PLXNA4: variants seen among roughly 807,000 people sequenced by gnomAD.
The protein encoded by PLXNA4 is plexin A4, also known as plexin-A4.
A neutral mutation model predicts 191.8 loss-of-function variants in PLXNA4; 44 were observed. The observed-to-expected ratio is 0.23, with a 90% CI of 0.18 to 0.29. The LOEUF (loss-of-function observed/expected upper bound fraction) is 0.29, where lower values mean the gene tolerates loss of function less well. PLXNA4 is among the 10% of genes least tolerant of loss of function. The probability of loss-of-function intolerance (pLI) is 1.00; values close to 1 mark genes in which losing one functional copy is unlikely to be tolerated. For missense variants in PLXNA4, 1,800 were observed against 2,488.8 expected (o/e 0.72, Z 5.89); for synonymous variants, 1,082 against 1,009.5 (o/e 1.07, Z -1.36).
chr7:132,272,503 A>G (rs1412998733), intron 4 of PLXNA4, among the ~76,000 whole-genome samples: 1 of 152,200 alleles, frequency 6.6e-6, no homozygotes, highest in East Asian at 1.9e-4. Flanking sequence ...TTGTCACCAG[A>G]ATGATCTGTT....
At chr7:132,610,994 C>G (rs1428952521) in intron 2 of PLXNA4, among the ~76,000 whole-genome samples, 1 of 152,202 alleles carries the variant, frequency 6.6e-6, no homozygotes, top group African/African-American at 2.4e-5. Context: ...TATCTCTTCT[C>G]CTCCAGTCAC....
intron 3 of PLXNA4, among the ~76,000 whole-genome samples, chr7:132,382,659 G>A (rs572099961): frequency 6.6e-6 from 1 of 152,298 alleles, no homozygotes; most frequent in Admixed American, 6.5e-5. Context: ...GGCATGGTCT[G>A]CAATAATTGT....
At position 132,202,812 on chromosome 7, in the gene PLXNA4, A is replaced by C; in HGVS notation, c.2420T>G (p.Met807Arg). ...NKVHLYKCGA[M>R]RESCGLCLKA... ...GAGGCACAGCCCGCAGCTCTCACGC[A>C]TGGCTCCACACTTGTAGAGGTGAAC... Residue 807 changes from methionine to arginine, a missense_variant, in exon 12 of 32, where the codon ATG (methionine) becomes AGG (arginine). Coordinates refer to ENST00000321063, the MANE Select transcript of PLXNA4 (RefSeq NM_020911.2). 1 of 1,599,944 alleles carries C rather than the reference A, an allele frequency of 6.3e-7. No homozygotes were observed. Among genetic ancestry groups the C allele is most frequent in the Non-Finnish European group, 8.5e-7 (1 of 1,173,180 alleles).
intron 4 of PLXNA4, among the ~76,000 whole-genome samples, chr7:132,272,420 G>A (rs534524807): frequency 6.6e-6 from 1 of 152,278 alleles, no homozygotes; most frequent in Admixed American, 6.5e-5. Context: ...ATAAGCCCCT[G>A]GCAGTGGATC....
intron 1 of PLXNA4, among the ~76,000 whole-genome samples, chr7:132,647,836 CAT>C (rs1162505033): frequency 6.6e-6 from 1 of 150,440 alleles, no homozygotes; most frequent in Non-Finnish European, 1.5e-5. Flanking sequence ...AATATACACT[CAT>C]AAACACACAC....
chr7:132,207,015 AG>A (rs1410705115), intron 10 of PLXNA4, among the ~76,000 whole-genome samples: 1 of 152,156 alleles, frequency 6.6e-6, no homozygotes, highest in Non-Finnish European at 1.5e-5. Flanking sequence ...CTACTTCTAA[AG>A]CAAAAATGAG....
At chr7:132,499,242 G>A (rs545015718) in intron 2 of PLXNA4, among the ~76,000 whole-genome samples, 78 of 152,324 alleles carry the variant, frequency 5.1e-4, no homozygotes, top group Middle Eastern at 3.4e-3. Context: ...CAAGAGCCTC[G>A]TGTTCCTCCC....
At chr7:132,254,373 A>G (rs1799359360) in intron 4 of PLXNA4, among the ~76,000 whole-genome samples, 1 of 152,240 alleles carries the variant, frequency 6.6e-6, no homozygotes, top group Admixed American at 6.5e-5. Context: ...ATTAACATAA[A>G]CAATTGTGAG....
intron 4 of PLXNA4, among the ~76,000 whole-genome samples, chr7:132,262,429 C>T (rs752333920): frequency 6.6e-6 from 1 of 152,082 alleles, no homozygotes; most frequent in Non-Finnish European, 1.5e-5. Context: ...TTTCAGTGGA[C>T]CCCTTGACAG....
chr7:132,292,636 T>C (rs1800934840), intron 4 of PLXNA4, among the ~76,000 whole-genome samples: 1 of 152,186 alleles, frequency 6.6e-6, no homozygotes, highest in Non-Finnish European at 1.5e-5. Context: ...TATAAGAATA[T>C]ACCTGGCCCT....
rs1797693345 is a variant in PLXNA4, at chr7:132,489,430, A to G, written c.1233T>C (p.Ala411=). ...GCACCATGTCGGACACTCCCAGGGG[A>G]GCATTCATGTCCAGGCCACAGAAGT... is the stretch of plus-strand genomic sequence containing the variant. ...DDNFCGLDMN[A]PLGVSDMVRG... Residue 411 remains alanine, a synonymous_variant, in exon 3 of 32, where the codon GCT becomes GCC. Coordinates refer to ENST00000321063, the MANE Select transcript of PLXNA4 (RefSeq NM_020911.2). The G allele has an allele frequency of 1.3e-6, 2 of 1,591,040 alleles. No individual in the cohort carries two copies. Among genetic ancestry groups the G allele is most frequent in the African/African-American group, 1.3e-5 (1 of 74,636 alleles).
intron 3 of PLXNA4, among the ~76,000 whole-genome samples, chr7:132,322,107 C>T (rs1802190633): frequency 6.6e-6 from 1 of 151,838 alleles, no homozygotes; most frequent in South Asian, 2.1e-4. Flanking sequence ...CATGCAGGCA[C>T]TCGGGTCTGA....
rs965536796 is a variant in PLXNA4, at chr7:132,527,699, T to A, written c.-86-18920A>T. 2.0e-5 allele frequency among the ~76,000 whole-genome samples: 3 copies of A among 152,258 alleles called. No homozygotes were observed. In the East Asian group the frequency reaches 5.8e-4, roughly 29 times the overall value. On this transcript the variant is annotated intron_variant, in intron 1 of 31. Coordinates refer to ENST00000321063, the MANE Select transcript of PLXNA4 (RefSeq NM_020911.2). ...CCAATAACCTGTATTCCCAGCTGAA[T>A]TGACACCCGACTGCATTACAGTCAT...
At chr7:132,353,675 C>T (rs1329902908) in intron 3 of PLXNA4, among the ~76,000 whole-genome samples, 1 of 152,162 alleles carries the variant, frequency 6.6e-6, no homozygotes, top group African/African-American at 2.4e-5. Flanking sequence ...TTCATCCCTG[C>T]ATTAGCTTCC....
upstream of PLXNA4, among the ~76,000 whole-genome samples, chr7:132,578,359 C>A (rs951363729): frequency 1.3e-5 from 2 of 152,138 alleles, no homozygotes; most frequent in Non-Finnish European, 2.9e-5. Context: ...CTAAAGGAGC[C>A]CATGGCTCTT....
At chr7:132,425,942 C>T (rs1383789920) in intron 3 of PLXNA4, among the ~76,000 whole-genome samples, 2 of 152,206 alleles carry the variant, frequency 1.3e-5, no homozygotes, top group Non-Finnish European at 2.9e-5. Context: ...CCTGACCCTG[C>T]TCAGTGGCCC....
Position 132,127,103 on chromosome 7 carries a change from A to ACAAAGCCCCCTTC in PLXNA4, c.*3363_*3375dup, listed in dbSNP as rs1794789549. ...CTTATTCCTTAAAATTTAGGACCCC[A>ACAAAGCCCCCTTC]CAAAGCCCCCTTCTTCCCTGCTACC... On this transcript the variant is annotated 3_prime_UTR_variant, in exon 32 of 32. Coordinates refer to ENST00000321063, the MANE Select transcript of PLXNA4 (RefSeq NM_020911.2). 6.6e-6 allele frequency: 1 copy of ACAAAGCCCCCTTC among 152,160 alleles called. No individual in the cohort carries two copies. Among genetic ancestry groups the ACAAAGCCCCCTTC allele is most frequent in the Non-Finnish European group, 1.5e-5 (1 of 68,054 alleles). The allele number at this position is 152,160 out of a possible 1,614,324, so 9.4% of individuals were successfully genotyped here.
chr7:132,564,931 C>A lies in PLXNA4; in HGVS notation c.-87+11491G>T, dbSNP rs140246810. ...ATCCCTGCTGCATTCTCCTTTCCGA[C>A]CTGCCATCCCTGCTGCATTCTCCTT... On this transcript the variant is annotated intron_variant, in intron 1 of 31. Coordinates refer to ENST00000321063, the MANE Select transcript of PLXNA4 (RefSeq NM_020911.2). Among the ~76,000 whole-genome samples, 845 of 151,244 alleles carry A rather than the reference C, an allele frequency of 5.6e-3. 13 individuals carry two copies. The highest frequency in any genetic ancestry group is 0.019 in the African/African-American group (776 of 40,826).
chr7:132,573,260 G>C (rs1039440348), intron 1 of PLXNA4, among the ~76,000 whole-genome samples: 1 of 152,150 alleles, frequency 6.6e-6, no homozygotes. Context: ...GATCATGGTC[G>C]TGTTTTCTGT....
Sources: gnomAD v4.1 joint callset for allele counts (sites outside exome capture counted in the v4.1 genomes callset) on GRCh38, gnomAD v4.1.1 for gene constraint, MANE v1.5 for transcripts, NCBI Gene and HGNC (gene_info 2026-07-23, HGNC 2026-07-21) for gene names.